GRM5: variants seen among roughly 807,000 people sequenced by gnomAD.
The protein encoded by GRM5 is glutamate metabotropic receptor 5, also known as metabotropic glutamate receptor 5.
Under a neutral mutation model 83.1 loss-of-function variants are expected in GRM5, and 19 were observed. The observed-to-expected ratio is 0.23, with a 90% confidence interval of 0.16 to 0.34. GRM5 has a LOEUF of 0.34. Ranked by LOEUF, GRM5 falls within the 10% of genes least tolerant of loss-of-function variation. GRM5 has a pLI of 1.00. For synonymous variants in GRM5, 675 were observed against 633.6 expected, an observed-to-expected ratio of 1.07 and a Z score of -0.98; for missense variants, 1,160 against 1,588.3, an observed-to-expected ratio of 0.73 and a Z score of 4.58.
At chr11:88,614,049 C>T (rs1938402458) in intron 4 of GRM5, among the ~76,000 whole-genome samples, 1 of 152,152 alleles carries the variant, frequency 6.6e-6, no homozygotes, top group Non-Finnish European at 1.5e-5. Flanking sequence ...TTTACCTTGA[C>T]CCTAAGCCAT....
At chr11:88,654,643 T>C (rs1180510540) in intron 3 of GRM5, among the ~76,000 whole-genome samples, 1 of 152,042 alleles carries the variant, frequency 6.6e-6, no homozygotes, top group African/African-American at 2.4e-5. Context: ...GTAGGGGCAG[T>C]GGGTAGTGGG....
At chr11:88,790,405 A>T (rs542826160) in intron 3 of GRM5, among the ~76,000 whole-genome samples, 5 of 152,304 alleles carry the variant, frequency 3.3e-5, no homozygotes, top group African/African-American at 9.6e-5. Flanking sequence ...ATTAATTTTT[A>T]AAAACTATGC....
intron 8 of GRM5, among the ~76,000 whole-genome samples, chr11:88,550,860 G>A (rs1301304990): frequency 1.3e-5 from 2 of 152,072 alleles, no homozygotes; most frequent in African/African-American, 4.8e-5. Flanking sequence ...ATAATTTCTG[G>A]TAGCTAAGCT....
At chr11:88,991,491 T>G (rs1351998577) in intron 2 of GRM5, among the ~76,000 whole-genome samples, 3 of 151,834 alleles carry the variant, frequency 2.0e-5, no homozygotes, top group Admixed American at 2.0e-4. Context: ...ATGCCTTTCT[T>G]CACAGAATTG....
intron 3 of GRM5, among the ~76,000 whole-genome samples, chr11:88,793,191 A>C (rs961012677): frequency 6.6e-6 from 1 of 152,188 alleles, no homozygotes; most frequent in African/African-American, 2.4e-5. Flanking sequence ...GCACAACAGC[A>C]CTTAAATATA....
At chr11:88,594,078 C>T (rs1937730931) in intron 6 of GRM5, among the ~76,000 whole-genome samples, 1 of 152,114 alleles carries the variant, frequency 6.6e-6, no homozygotes, top group Non-Finnish European at 1.5e-5. Context: ...CAGGCGTGAG[C>T]CACCCCGCCC....
In GRM5 at chr11:88,897,334, A is replaced by T. The variant is rs191642250; in HGVS notation, c.662-47179T>A. ...CACTACTAGCTAGAAGTCAGAATTT[A>T]TAAAGGACAGCCCAATATTTCCCCT... On this transcript the variant is annotated intron_variant, in intron 2 of 9. Transcript: ENST00000305447. 4.6e-5 allele frequency among the ~76,000 whole-genome samples: 7 copies of T among 152,094 alleles called. No individual in the cohort carries two copies. In the East Asian group the frequency reaches 1.4e-3, roughly 29 times the overall value.
chr11:88,551,889 T>C (rs308790), intron 8 of GRM5, among the ~76,000 whole-genome samples: 76,383 of 152,018 alleles, frequency 0.5, 22,680 homozygotes, highest in African/African-American at 0.84. Flanking sequence ...ATTGTAAAGG[T>C]ATTTTCACTG....
chr11:88,821,088 C>A (rs959914647), intron 3 of GRM5, among the ~76,000 whole-genome samples: 2 of 152,016 alleles, frequency 1.3e-5, no homozygotes, highest in Non-Finnish European at 2.9e-5. Context: ...CAATCAATGA[C>A]CTCAGTTGAA....
intron 2 of GRM5, among the ~76,000 whole-genome samples, chr11:88,913,549 C>A (rs1945537120): frequency 7.2e-6 from 1 of 138,876 alleles, no homozygotes; most frequent in South Asian, 2.7e-4. Flanking sequence ...CCCTCTTTTA[C>A]AGTTCCATAT....
intron 3 of GRM5, among the ~76,000 whole-genome samples, chr11:88,688,075 G>A (rs1940691658): frequency 6.6e-6 from 1 of 152,100 alleles, no homozygotes; most frequent in Admixed American, 6.6e-5. Flanking sequence ...AAGAGGTCAA[G>A]AAGCTTGGGC....
chr11:88,879,103 T>C (rs1454158279), intron 2 of GRM5, among the ~76,000 whole-genome samples: 1 of 152,096 alleles, frequency 6.6e-6, no homozygotes, highest in Admixed American at 6.6e-5. Context: ...GGATAAGAAA[T>C]ACTATGGAAA....
chr11:88,869,790 G>A (rs1404357544), intron 2 of GRM5, among the ~76,000 whole-genome samples: 1 of 151,486 alleles, frequency 6.6e-6, no homozygotes, highest in Non-Finnish European at 1.5e-5. Flanking sequence ...ATGAAGAAAT[G>A]AAAAGAGAGA....
chr11:88,874,013 T>C (rs1381415209), intron 2 of GRM5, among the ~76,000 whole-genome samples: 1 of 151,642 alleles, frequency 6.6e-6, no homozygotes, highest in Admixed American at 6.6e-5. Context: ...CCTACCAAGA[T>C]TGAATAATGA....
chr11:88,946,191 T>C (rs1175187588), intron 2 of GRM5, among the ~76,000 whole-genome samples: 2 of 152,112 alleles, frequency 1.3e-5, no homozygotes, highest in Non-Finnish European at 2.9e-5. Flanking sequence ...AGATGTCATC[T>C]CATACCAGTT....
intron 8 of GRM5, among the ~76,000 whole-genome samples, chr11:88,529,859 T>G (rs911743763): frequency 1.3e-5 from 2 of 151,960 alleles, no homozygotes; most frequent in African/African-American, 4.8e-5. Context: ...GTTACTGTGT[T>G]GGATGGTGCA....
intron 3 of GRM5, among the ~76,000 whole-genome samples, chr11:88,740,981 C>T (rs1444849800): frequency 6.6e-6 from 1 of 151,968 alleles, no homozygotes; most frequent in Non-Finnish European, 1.5e-5. Flanking sequence ...TATCTTCCTG[C>T]TATGTTCACT....
At chr11:88,858,947 A>T (rs1451558390) in intron 2 of GRM5, among the ~76,000 whole-genome samples, 1 of 152,054 alleles carries the variant, frequency 6.6e-6, no homozygotes, top group African/African-American at 2.4e-5. Context: ...GAGAGCTCTG[A>T]GTTATACCCT....
intron 3 of GRM5, among the ~76,000 whole-genome samples, chr11:88,661,191 T>G (rs1939896212): frequency 6.6e-6 from 1 of 152,218 alleles, no homozygotes; most frequent in Non-Finnish European, 1.5e-5. Flanking sequence ...TAATGCTTGT[T>G]ATAATGCTCA....
Sources: allele counts gnomAD v4.1 joint callset (sites outside exome capture counted in the v4.1 genomes callset), GRCh38; gene constraint gnomAD v4.1.1; transcripts MANE v1.5; gene names NCBI Gene and HGNC (gene_info 2026-07-23, HGNC 2026-07-21).